DKK3: variants seen among roughly 807,000 people sequenced by gnomAD.
DKK3 encodes the protein dickkopf-related protein 3.
Under a neutral mutation model 33.2 loss-of-function variants are expected in DKK3, and 22 were observed. The observed-to-expected ratio is 0.66, with a 90% CI of 0.47 to 0.95. DKK3 has a LOEUF of 0.95. DKK3 is among the 40% of genes least tolerant of loss of function. The probability of loss-of-function intolerance (pLI) is 0.00; values close to 1 mark genes in which losing one functional copy is unlikely to be tolerated. For synonymous variants in DKK3, 194 were observed against 188.8 expected (o/e 1.03, Z -0.23); for missense variants, 398 against 458.4 (o/e 0.87, Z 1.20).
At chr11:11,999,378 G>C (rs753573521) in intron 2 of DKK3, among the ~76,000 whole-genome samples, 3 of 152,206 alleles carry the variant, frequency 2.0e-5, no homozygotes, top group Non-Finnish European at 2.9e-5. Flanking sequence ...CCTGCCCCAT[G>C]AAAGGTCACG....
intron 3 of DKK3, among the ~76,000 whole-genome samples, chr11:11,982,150 T>C (rs1312512219): frequency 1.3e-5 from 2 of 151,962 alleles, no homozygotes; most frequent in African/African-American, 4.8e-5. Flanking sequence ...CTCTGGGGAG[T>C]GCTGTGGGCG....
chr11:12,008,516 G>A lies in DKK3; in HGVS notation c.67C>T (p.Pro23Ser), dbSNP rs1007989828. Residue 23 changes from proline (P) to serine (S), a missense_variant, in exon 1 of 7, where the codon CCC becomes TCC. Transcript: ENST00000683431. This position sits in a 1 kb window ranked among gnomAD's most constrained non-coding sequence, Gnocchi z 4.6. ...GGAGCCGAGGTCGCCGTCGGAGCGG[G>A]CGCGGGGGCCGTGGGGACCGCCGCC... ...LAAAVPTAPA[P>S]APTATSAPVK... 7.0e-6 allele frequency: 11 copies of A among 1,581,138 alleles called. No individual in the cohort carries two copies. Among genetic ancestry groups the A allele is most frequent in the Non-Finnish European group, 8.5e-6 (10 of 1,170,136 alleles).
Position 11,965,907 on chromosome 11 carries a change from G to C in DKK3, c.732C>G (p.Pro244=), listed in dbSNP as rs553075697. 1.9e-6 allele frequency: 3 copies of C among 1,614,056 alleles called. No homozygotes were observed. The South Asian group carries it at 3.3e-5, about 18-fold the overall frequency. The change falls in exon 6 of 7, where the codon CCC becomes CCG. Residue 244 remains proline (P), a synonymous_variant. Transcript: ENST00000683431. The part of the protein sequence containing the change: ...LPVEGELCHD[P]ASRLLDLITW... The stretch of plus-strand genomic sequence containing the variant: ...TGATGAGGTCCAGAAGCCGGCTGGC[G>C]GGGTCATGGCAAAGCTCGCCCTCCA...
Position 11,965,867 on chromosome 11 carries a change from G to C in DKK3, c.772C>G (p.Pro258Ala), listed in dbSNP as rs1847578852. ...LLDLITWELE[P>A]DGALDRCPCA... The stretch of plus-strand genomic sequence containing the variant: ...GGGCATCGGTCCAAGGCTCCATCAG[G>C]CTCTAGCTCCCAGGTGATGAGGTCC... Residue 258 changes from proline to alanine, a missense_variant, in exon 6 of 7, where the codon CCT becomes GCT. Physicochemically the swap from Pro to Ala is conservative, Grantham distance 27 (BLOSUM62 -1). Coordinates refer to ENST00000683431, the MANE Select transcript of DKK3 (RefSeq NM_001018057.2). 1 of 1,614,070 alleles carries C rather than the reference G, an allele frequency of 6.2e-7. No homozygotes were observed. Among genetic ancestry groups the C allele is most frequent in the African/African-American group, 1.3e-5 (1 of 74,948 alleles).
chr11:11,973,207 C>A (rs1338930736), intron 3 of DKK3, among the ~76,000 whole-genome samples: 1 of 152,246 alleles, frequency 6.6e-6, no homozygotes, highest in Non-Finnish European at 1.5e-5. Context: ...TAGTCCTTAT[C>A]CCTACTTCAC....
intron 5 of DKK3, among the ~76,000 whole-genome samples, chr11:11,966,187 G>A (rs1847590205): frequency 6.6e-6 from 1 of 152,188 alleles, no homozygotes; most frequent in Admixed American, 6.5e-5. Context: ...GGAAGAGGTG[G>A]GCTTCTGCTG....
At chr11:11,989,803 C>A (rs547738311) in intron 3 of DKK3, among the ~76,000 whole-genome samples, 9 of 152,134 alleles carry the variant, frequency 5.9e-5, no homozygotes, top group Non-Finnish European at 5.9e-5. Flanking sequence ...GACCTAAGTG[C>A]TTCATTTTAT....
At position 11,991,256 on chromosome 11, in the gene DKK3, T is replaced by C. The variant is rs149350137; in HGVS notation, c.435+7440A>G. ...AGAAAAGATGGCCTGGAACAAGAGA[T>C]CAATTAGTGTCAGATATAGTTTGGA... is the stretch of plus-strand genomic sequence containing the variant. On this transcript the variant is annotated intron_variant, in intron 3 of 6. Coordinates refer to ENST00000683431, the MANE Select transcript of DKK3 (RefSeq NM_001018057.2). Among the ~76,000 whole-genome samples the C allele has an allele frequency of 3.3e-3, 506 of 152,292 alleles. 2 individuals carry two copies. Among genetic ancestry groups the C allele is most frequent in the African/African-American group, 0.01 (429 of 41,570 alleles).
At chr11:11,967,595 G>A (rs1438599895) in intron 4 of DKK3, among the ~76,000 whole-genome samples, 3 of 152,238 alleles carry the variant, frequency 2.0e-5, no homozygotes, top group Non-Finnish European at 4.4e-5. Context: ...TACCGAGTGG[G>A]GTTGGCTGCG....
Position 11,982,706 on chromosome 11 carries a change from C to T in DKK3, c.436-14219G>A, listed in dbSNP as rs139699390. ...AGGGAGAGCACAGCCAGTCCTCGGG[C>T]CACAAGTGAGGACGATGTCCCGCCA... On this transcript the variant is annotated intron_variant, in intron 3 of 6. Coordinates refer to ENST00000683431, the MANE Select transcript of DKK3 (RefSeq NM_001018057.2). 6.5e-3 allele frequency among the ~76,000 whole-genome samples: 986 copies of T among 152,284 alleles called. 10 individuals are homozygous for T. Among genetic ancestry groups the T allele is most frequent in the African/African-American group, 0.022 (915 of 41,552 alleles).
chr11:11,983,595 G>A (rs577341172), intron 3 of DKK3, among the ~76,000 whole-genome samples: 1 of 152,358 alleles, frequency 6.6e-6, no homozygotes, highest in South Asian at 2.1e-4. Flanking sequence ...AAGGGAGTCA[G>A]AGGATGCTTC....
At chr11:11,974,613 A>T (rs1354847494) in intron 3 of DKK3, among the ~76,000 whole-genome samples, 1 of 152,212 alleles carries the variant, frequency 6.6e-6, no homozygotes, top group Non-Finnish European at 1.5e-5. Flanking sequence ...TCAGGATCTA[A>T]ATACCCCTTA....
intron 2 of DKK3, among the ~76,000 whole-genome samples, chr11:11,999,157 G>A (rs17380453): frequency 0.022 from 3,353 of 152,212 alleles, 48 homozygotes; most frequent in African/African-American, 0.026. Context: ...TTACAAGTCC[G>A]GGTGTCTAGT....
chr11:11,991,238 A>G (rs1047364686), intron 3 of DKK3, among the ~76,000 whole-genome samples: 2 of 152,224 alleles, frequency 1.3e-5, no homozygotes, highest in African/African-American at 4.8e-5. Flanking sequence ...CCTAGAAAAG[A>G]TGGCCTGGAA....
chr11:12,000,999 A>G (rs1271023726), intron 2 of DKK3, among the ~76,000 whole-genome samples: 4 of 152,212 alleles, frequency 2.6e-5, no homozygotes, highest in Admixed American at 6.5e-5. Context: ...AGATGTTGAT[A>G]TCCTTATTTC....
In DKK3 at chr11:11,989,975, G is replaced by A. The variant is rs539333771; in HGVS notation, c.435+8721C>T. 1.3e-3 allele frequency among the ~76,000 whole-genome samples: 194 copies of A among 152,282 alleles called. 1 individual carries two copies. Among genetic ancestry groups the A allele is most frequent in the African/African-American group, 4.6e-3 (190 of 41,558 alleles). On this transcript the variant is annotated intron_variant, in intron 3 of 6. Transcript: ENST00000683431. ...ATGCAAGTCAGATGCCTGGCACAGC[G>A]CCTGACTAAATAAGGGAATACTGGG...
intron 6 of DKK3, 181 bp from the exon 7 acceptor site, chr11:11,964,867 C>A: frequency 7.4e-7 from 1 of 1,346,682 alleles, no homozygotes; most frequent in African/African-American, 1.5e-5. Flanking sequence ...CTGAGGGAGG[C>A]TCACTTTGGG....
At chr11:12,004,777 T>A (rs763408936) in intron 1 of DKK3, among the ~76,000 whole-genome samples, 5 of 152,180 alleles carry the variant, frequency 3.3e-5, no homozygotes, top group Non-Finnish European at 5.9e-5. Context: ...AAAGATGAAA[T>A]ACACAGCTGT....
chr11:11,965,413 G>A (rs770520501), intron 6 of DKK3, among the ~76,000 whole-genome samples: 1 of 152,220 alleles, frequency 6.6e-6, no homozygotes, highest in Non-Finnish European at 1.5e-5. Context: ...CTCAGACAGT[G>A]TGGGCTGCAC....
Sources: gnomAD v4.1 joint callset for allele counts (sites outside exome capture counted in the v4.1 genomes callset) on GRCh38, gnomAD v4.1.1 for gene constraint, Gnocchi (gnomAD v3.1) non-coding constraint, MANE v1.5 for transcripts, NCBI Gene and HGNC (gene_info 2026-07-23, HGNC 2026-07-21) for gene names.